MPHOSPH10: variants seen among roughly 807,000 people sequenced by gnomAD.
The protein encoded by MPHOSPH10 is U3 small nucleolar ribonucleoprotein MPP10.
Under a neutral mutation model 77.3 loss-of-function variants are expected in MPHOSPH10, and 33 were observed. The observed-to-expected ratio is 0.43, with a 90% confidence interval of 0.32 to 0.57. The LOEUF (loss-of-function observed/expected upper bound fraction) is 0.57, where lower values mean the gene tolerates loss of function less well. Among genes scored for constraint, MPHOSPH10 ranks in the 20% least tolerant of loss-of-function variants. The pLI, the probability that MPHOSPH10 is intolerant of heterozygous loss-of-function variation, is 0.07. For synonymous variants in MPHOSPH10, 245 were observed against 268.0 expected (o/e 0.91, Z 0.84); for missense variants, 708 against 780.1 (o/e 0.91, Z 1.10).
At chr2:71,148,176 T>C (rs1242001968) in intron 9 of MPHOSPH10, 70 bp downstream of exon 9, 9 of 1,313,602 alleles carry the variant, frequency 6.9e-6, no homozygotes, top group Non-Finnish European at 9.9e-6. Flanking sequence ...CTCCATTTAT[T>C]TGACGTCATT....
intron 4 of MPHOSPH10, among the ~76,000 whole-genome samples, chr2:71,137,987 G>A (rs938568848): frequency 3.9e-5 from 6 of 151,982 alleles, no homozygotes; most frequent in Admixed American, 1.3e-4. Context: ...CAGCTACTCG[G>A]GAGGCTGAGG....
At chr2:71,141,695 AATTC>A in intron 7 of MPHOSPH10, among the ~76,000 whole-genome samples, 1 of 152,270 alleles carries the variant, frequency 6.6e-6, no homozygotes, top group East Asian at 1.9e-4. Context: ...CATGATTATG[AATTC>A]ATTCTGATTT....
intron 7 of MPHOSPH10, among the ~76,000 whole-genome samples, chr2:71,143,296 C>A (rs1467405531): frequency 6.6e-6 from 1 of 151,936 alleles, no homozygotes; most frequent in Non-Finnish European, 1.5e-5. Context: ...CCAAGCCCGT[C>A]TAATTTTTTG....
chr2:71,146,334 C>CTTT (rs778705527), intron 8 of MPHOSPH10, among the ~76,000 whole-genome samples: 3,410 of 107,284 alleles, frequency 0.032, 244 homozygotes, highest in African/African-American at 0.056. Flanking sequence ...TTTTTTGTGG[C>CTTT]TTTTTTTTTT....
At chr2:71,131,826 T>C (rs1426819888) in intron 1 of MPHOSPH10, among the ~76,000 whole-genome samples, 1 of 152,200 alleles carries the variant, frequency 6.6e-6, no homozygotes, top group South Asian at 2.1e-4. Flanking sequence ...GTAATGTTGA[T>C]TAATCAATTA....
rs1558756245 is a variant in MPHOSPH10, at chr2:71,144,435, C to T, written c.1454C>T (p.Thr485Ile). ...TTGAACTTATTTCCTAAGCAAAAAA[C>T]AGCAGAAGAAGAAAATCCAGAACAT... ...QEYIKLNQQK[T>I]AEEENPEHVE... The change falls in exon 8 of 11, where the codon ACA becomes ATA. Residue 485 changes from threonine (T) to isoleucine (I), a missense_variant. By Grantham distance (89) the Thr-to-Ile change is moderately conservative. Around this residue, in one of 3 missense-constraint regions of MPHOSPH10, gnomAD observed 263 missense variants for 320.0 expected, o/e 0.82. Coordinates refer to ENST00000244230, the MANE Select transcript of MPHOSPH10 (RefSeq NM_005791.3). 6.3e-7 allele frequency: 1 copy of T among 1,592,456 alleles called. No individual in the cohort carries two copies.
Position 71,133,328 on chromosome 2 carries a change from G to T in MPHOSPH10, c.520G>T (p.Asp174Tyr). The T allele has an allele frequency of 6.2e-7, 1 of 1,614,112 alleles. No individual in the cohort carries two copies. The highest frequency in any genetic ancestry group is 1.1e-5 in the South Asian group (1 of 91,062). ...PVFSDEDSDLDFDISKLEQQS... is the reference protein window; with the variant it reads ...PVFSDEDSDLYFDISKLEQQS... The stretch of plus-strand genomic sequence containing the variant: ...TTTCAGTGATGAGGATTCTGACCTT[G>T]ACTTTGATATCAGCAAATTGGAACA... Residue 174 changes from aspartate (D) to tyrosine (Y), a missense_variant, in exon 2 of 11, where the codon GAC becomes TAC. Asp to Tyr is a radical substitution (Grantham distance 160). Around this residue, in one of 3 missense-constraint regions of MPHOSPH10, gnomAD observed 433 missense variants for 432.6 expected, o/e 1.00. Coordinates refer to ENST00000244230, the MANE Select transcript of MPHOSPH10 (RefSeq NM_005791.3).
In MPHOSPH10 at chr2:71,133,080, T is replaced by G. The variant is rs1459216717; in HGVS notation, c.272T>G (p.Phe91Cys). ...ELQNEPILQY[F>C]QNAVSETIND... Reference sequence around the variant, plus strand: ...CAAAATGAACCAATTTTACAATACTTTCAGAATGCAGTTAGTGAAACAATT... The same window carrying G: ...CAAAATGAACCAATTTTACAATACTGTCAGAATGCAGTTAGTGAAACAATT... The change falls in exon 2 of 11, where the codon TTT becomes TGT. Residue 91 changes from phenylalanine (F) to cysteine (C), a missense_variant. Phe to Cys is a radical substitution (Grantham distance 205). Transcript: ENST00000244230. 6.2e-7 allele frequency: 1 copy of G among 1,614,160 alleles called. No homozygotes were observed. The highest frequency in any genetic ancestry group is 1.7e-5 in the Admixed American group (1 of 60,014).
intron 4 of MPHOSPH10, among the ~76,000 whole-genome samples, chr2:71,138,097 T>A (rs898420218): frequency 3.9e-5 from 6 of 152,028 alleles, no homozygotes; most frequent in African/African-American, 7.3e-5. Context: ...AAAAAAATTT[T>A]AAAAAAAGAA....
At chr2:71,130,970 A>G in intron 1 of MPHOSPH10, 1 of 537,908 alleles carries the variant, frequency 1.9e-6, no homozygotes, top group Non-Finnish European at 3.3e-6. Flanking sequence ...TACTGAAATC[A>G]CTCTAACCTC....
chr2:71,141,677 A>G (rs760853849), intron 7 of MPHOSPH10, among the ~76,000 whole-genome samples: 11 of 152,178 alleles, frequency 7.2e-5, no homozygotes, highest in Non-Finnish European at 1.0e-4. Context: ...AGTAACTGAT[A>G]TATTTTACAT....
At chr2:71,132,857 AT>A in intron 1 of MPHOSPH10, 40 bp from the exon 2 acceptor site, 1 of 1,525,194 alleles carries the variant, frequency 6.6e-7, no homozygotes, top group Non-Finnish European at 8.8e-7. Flanking sequence ...CTGTGAAATT[AT>A]TACCTGTAAT....
chr2:71,139,565 T>C (rs959560833), intron 5 of MPHOSPH10: 22 of 386,424 alleles, frequency 5.7e-5, no homozygotes, highest in African/African-American at 4.4e-4. Flanking sequence ...TACTACCATA[T>C]GTATCCTAGT....
chr2:71,148,677 C>T lies in MPHOSPH10; in HGVS notation c.1666-546C>T, dbSNP rs184176503. On this transcript the variant is annotated intron_variant, in intron 9 of 10. Transcript: ENST00000244230. ...TTCCCTCCTCACTTGATTTGCTACACCTACACTCACCCCTTCTGTCTGAGC... is the reference window on the plus strand; with the variant it reads ...TTCCCTCCTCACTTGATTTGCTACATCTACACTCACCCCTTCTGTCTGAGC... 2.6e-3 allele frequency: 419 copies of T among 162,596 alleles called. 4 individuals are homozygous for T. The highest frequency in any genetic ancestry group is 4.3e-3 in the Non-Finnish European group (321 of 74,220). 10.1% of individuals were successfully genotyped at this position (162,596 alleles called of 1,614,324 possible).
chr2:71,135,702 CTTT>C (rs781167523), intron 4 of MPHOSPH10, among the ~76,000 whole-genome samples: 2 of 130,650 alleles, frequency 1.5e-5, no homozygotes, highest in Admixed American at 7.7e-5. Flanking sequence ...TTTTCTTTTT[CTTT>C]TTTTTTTTTT....
chr2:71,148,279 C>T (rs1673756128), intron 9 of MPHOSPH10, 173 bp downstream of exon 9: 2 of 562,344 alleles, frequency 3.6e-6, no homozygotes, highest in South Asian at 4.9e-5. Context: ...TACCAGTCTC[C>T]TATATTCTGG....
intron 5 of MPHOSPH10, 178 bp downstream of exon 5, chr2:71,138,809 C>T (rs1558754526): frequency 2.4e-5 from 20 of 827,726 alleles, no homozygotes; most frequent in Non-Finnish European, 3.6e-5. Flanking sequence ...CCGAGGCAGA[C>T]GGATCACCTG....
In MPHOSPH10 at chr2:71,144,861, A is replaced by G. The variant is rs115523742; in HGVS notation, c.1557+323A>G. 6.1e-3 allele frequency among the ~76,000 whole-genome samples: 924 copies of G among 152,232 alleles called. 6 individuals carry two copies. Among genetic ancestry groups the G allele is most frequent in the African/African-American group, 0.021 (887 of 41,550 alleles). ...GGACTCCTCCTTTCCCTACCCTCTC[A>G]GTCTTCTGTTGCATTTTCATTGTAT... On this transcript the variant is annotated intron_variant, in intron 8 of 10. Transcript: ENST00000244230.
At chr2:71,146,595 C>T (rs1232200056) in intron 8 of MPHOSPH10, among the ~76,000 whole-genome samples, 1 of 152,126 alleles carries the variant, frequency 6.6e-6, no homozygotes, top group Non-Finnish European at 1.5e-5. Context: ...ACCTTGGCCT[C>T]CCAAAGTGCT....
Sources: gnomAD v4.1 joint callset for allele counts (sites outside exome capture counted in the v4.1 genomes callset) on GRCh38, gnomAD v4.1.1 for gene constraint, gnomAD v4.1.1 regional missense constraint, MANE v1.5 for transcripts, NCBI Gene and HGNC (gene_info 2026-07-23, HGNC 2026-07-21) for gene names.